SORCS2: variants seen among roughly 807,000 people sequenced by gnomAD.
SORCS2 encodes sortilin related VPS10 domain containing receptor 2, also known as VPS10 domain-containing receptor SorCS2.
In SORCS2, 100 loss-of-function variants were observed where a neutral mutation model predicts 141.6. That is an observed-to-expected ratio of 0.71 (90% confidence interval 0.60 to 0.83). SORCS2 has a LOEUF of 0.83. Ranked by LOEUF, SORCS2 falls within the 40% of genes least tolerant of loss-of-function variation. SORCS2 has a pLI of 0.00. For missense variants in SORCS2, 1,646 were observed against 1,560.2 expected (o/e 1.05, Z -0.93); for synonymous variants, 789 against 676.9 (o/e 1.17, Z -2.57).
intron 2 of SORCS2, among the ~76,000 whole-genome samples, chr4:7,442,970 T>A (rs1033209866): frequency 3.3e-5 from 5 of 152,124 alleles, no homozygotes; most frequent in Non-Finnish European, 7.3e-5. Context: ...GGGCCAGCAA[T>A]CTTCCCCGGG....
At chr4:7,546,425 A>G (rs1178646736) in intron 3 of SORCS2, among the ~76,000 whole-genome samples, 3 of 150,708 alleles carry the variant, frequency 2.0e-5, no homozygotes, top group Non-Finnish European at 4.4e-5. Flanking sequence ...GCTGCCCCCC[A>G]CCTCCCTGCC....
At chr4:7,544,604 G>T (rs1009629546) in intron 3 of SORCS2, among the ~76,000 whole-genome samples, 5 of 152,258 alleles carry the variant, frequency 3.3e-5, no homozygotes, top group Admixed American at 1.3e-4. Flanking sequence ...CCTGGGACAG[G>T]CTCCCTGGTC....
rs939598555 is a variant in SORCS2, at chr4:7,629,571, C to T, written c.649-8757C>T. ...GCGCCCTACCCCCCAACCCCCCTCG[C>T]TCCCCACCCGCTGATCTCTGCAGGG... On this transcript the variant is annotated intron_variant, in intron 3 of 26. Coordinates refer to ENST00000507866, the MANE Select transcript of SORCS2 (RefSeq NM_020777.3). Among the ~76,000 whole-genome samples, 166 of 151,462 alleles carry T rather than the reference C, an allele frequency of 1.1e-3. 5 individuals are homozygous for T. The highest frequency in any genetic ancestry group is 2.0e-3 in the Admixed American group (30 of 15,200).
chr4:7,320,878 T>C (rs1340409427), intron 1 of SORCS2, among the ~76,000 whole-genome samples: 1 of 151,168 alleles, frequency 6.6e-6, no homozygotes, highest in Non-Finnish European at 1.5e-5. Context: ...CCTCCCTTCC[T>C]CCCTTCCCCT....
chr4:7,598,965 G>A (rs775834538), intron 3 of SORCS2, among the ~76,000 whole-genome samples: 2 of 152,210 alleles, frequency 1.3e-5, no homozygotes, highest in East Asian at 3.9e-4. Context: ...TCCATTGCAC[G>A]GTGCCGATGC....
At chr4:7,420,499 G>A (rs13138401) in intron 2 of SORCS2, among the ~76,000 whole-genome samples, 1,948 of 152,296 alleles carry the variant, frequency 0.013, 14 homozygotes, top group Non-Finnish European at 0.019. Context: ...GACATGTGGG[G>A]GCACTGGAGA....
At chr4:7,299,429 A>G (rs1717290102) in intron 1 of SORCS2, among the ~76,000 whole-genome samples, 1 of 152,182 alleles carries the variant, frequency 6.6e-6, no homozygotes, top group Non-Finnish European at 1.5e-5. Flanking sequence ...TATGGATCGC[A>G]TGGCCTCGGA....
chr4:7,380,419 G>A (rs1273502483), intron 1 of SORCS2, among the ~76,000 whole-genome samples: 1 of 152,238 alleles, frequency 6.6e-6, no homozygotes, highest in Non-Finnish European at 1.5e-5. Context: ...CCCGTCACCG[G>A]ACTCCTGGGC....
intron 7 of SORCS2, among the ~76,000 whole-genome samples, chr4:7,665,568 G>A (rs1405930532): frequency 6.6e-6 from 1 of 152,024 alleles, no homozygotes; most frequent in Non-Finnish European, 1.5e-5. Flanking sequence ...CTCCAATTCA[G>A]GGTCACTGGT....
chr4:7,736,966 C>T lies in SORCS2; in HGVS notation c.3312-103C>T, dbSNP rs1461153784. 54 of 1,436,826 alleles carry T rather than the reference C, an allele frequency of 3.8e-5. No individual in the cohort carries two copies. The Admixed American group carries it at 7.6e-4, about 20-fold the overall frequency. The allele number at this position is 1,436,826 out of a possible 1,614,324, so 89.0% of individuals were successfully genotyped here. ...GGCACCTCTGGAGTGCTGTGGGCACCGTGCACCACACTCGGTGTGGTCAGG... is the reference window on the plus strand; with the variant it reads ...GGCACCTCTGGAGTGCTGTGGGCACTGTGCACCACACTCGGTGTGGTCAGG... On this transcript the variant is annotated intron_variant, in intron 25 of 26. Transcript: ENST00000507866.
In SORCS2 at chr4:7,193,329, A is replaced by C. The variant is rs966151431; in HGVS notation, c.480+203A>C. On this transcript the variant is annotated intron_variant, in intron 1 of 26. Coordinates refer to ENST00000507866, the MANE Select transcript of SORCS2 (RefSeq NM_020777.3). The surrounding 1 kb of genome is among the most constrained non-coding windows in gnomAD (Gnocchi z 4.8). ...CTTGGGGAGAGGTCCTCAGATTCGT[A>C]CGCTTGTCTCACCGCAGGGGACATT... Among the ~76,000 whole-genome samples the C allele has an allele frequency of 2.6e-5, 4 of 152,058 alleles. No individual in the cohort carries two copies. The highest frequency in any genetic ancestry group is 4.4e-5 in the Non-Finnish European group (3 of 68,004).
chr4:7,606,840 C>A (rs1288123610), intron 3 of SORCS2, among the ~76,000 whole-genome samples: 1 of 152,056 alleles, frequency 6.6e-6, no homozygotes, highest in Admixed American at 6.6e-5. Context: ...TGCGGGCAGG[C>A]AATTTTTATA....
intron 2 of SORCS2, among the ~76,000 whole-genome samples, chr4:7,525,161 C>T (rs554510189): frequency 1.3e-5 from 2 of 152,302 alleles, no homozygotes; most frequent in East Asian, 1.9e-4. Flanking sequence ...GGAAATAATG[C>T]AGTGAGAGAG....
At chr4:7,299,597 G>A (rs1165013628) in intron 1 of SORCS2, among the ~76,000 whole-genome samples, 4 of 152,200 alleles carry the variant, frequency 2.6e-5, no homozygotes, top group South Asian at 2.1e-4. Flanking sequence ...GGTTTCTGTT[G>A]TCCTTTCTTC....
intron 20 of SORCS2, among the ~76,000 whole-genome samples, 183 bp downstream of exon 20, chr4:7,725,470 C>G (rs532226797): frequency 4.5e-4 from 68 of 152,312 alleles, no homozygotes; most frequent in African/African-American, 1.6e-3. Context: ...TTTTCAGGGC[C>G]CATCTGCTCA....
At chr4:7,389,224 G>A (rs939561469) in intron 1 of SORCS2, among the ~76,000 whole-genome samples, 1 of 152,218 alleles carries the variant, frequency 6.6e-6, no homozygotes, top group African/African-American at 2.4e-5. Flanking sequence ...TGGCGGGTGA[G>A]GTGGTCTCCA....
chr4:7,454,407 G>GCT (rs1728720899), intron 2 of SORCS2, among the ~76,000 whole-genome samples: 1 of 125,560 alleles, frequency 8.0e-6, no homozygotes, highest in Admixed American at 8.5e-5. Flanking sequence ...GGGGTCAGGT[G>GCT]CTGTGTTGGG....
chr4:7,518,542 C>T (rs111578820), intron 2 of SORCS2, among the ~76,000 whole-genome samples: 12 of 152,172 alleles, frequency 7.9e-5, no homozygotes, highest in African/African-American at 2.9e-4. Flanking sequence ...TTTGGGTCTC[C>T]TGTTTGAAGT....
At chr4:7,568,754 A>G (rs1447675389) in intron 3 of SORCS2, among the ~76,000 whole-genome samples, 7 of 152,244 alleles carry the variant, frequency 4.6e-5, no homozygotes, top group Non-Finnish European at 1.0e-4. Context: ...CTCAACCCAC[A>G]GTTTGGGAAC....
Sources: gnomAD v4.1 joint callset for allele counts (sites outside exome capture counted in the v4.1 genomes callset) on GRCh38, gnomAD v4.1.1 for gene constraint, Gnocchi (gnomAD v3.1) non-coding constraint, MANE v1.5 for transcripts, NCBI Gene and HGNC (gene_info 2026-07-23, HGNC 2026-07-21) for gene names.